The following ATF7 variants were observed in gnomAD, a reference collection of about 807,000 sequenced individuals.
ATF7 encodes cyclic AMP-dependent transcription factor ATF-7.
Under a neutral mutation model 50.4 loss-of-function variants are expected in ATF7, and 10 were observed. The observed-to-expected ratio is 0.20, with a 90% CI of 0.12 to 0.34. The LOEUF (loss-of-function observed/expected upper bound fraction) is 0.34. ATF7 is among the 10% of genes least tolerant of loss of function. The pLI, the probability that ATF7 is intolerant of heterozygous loss-of-function variation, is 1.00. For missense variants in ATF7, 465 were observed against 613.9 expected (o/e 0.76, Z 2.56); for synonymous variants, 201 against 226.4 (o/e 0.89, Z 1.01).
Position 53,515,617 on chromosome 12 carries a change from C to T in ATF7, c.*1520G>A, listed in dbSNP as rs1365292730. 6.6e-6 allele frequency: 1 copy of T among 152,166 alleles called. No homozygotes were observed. The highest frequency in any genetic ancestry group is 1.5e-5 in the Non-Finnish European group (1 of 68,028). 9.4% of individuals were successfully genotyped at this position (152,166 alleles called of 1,614,324 possible). ...GAAGAGGGACAAGAGAGATGAATTGCTCCCTCTGCAACCCAACTCTTCAAA... is the reference window on the plus strand; with the variant it reads ...GAAGAGGGACAAGAGAGATGAATTGTTCCCTCTGCAACCCAACTCTTCAAA... On this transcript the variant is annotated 3_prime_UTR_variant, in exon 12 of 12. Transcript: ENST00000420353.
intron 9 of ATF7, among the ~76,000 whole-genome samples, chr12:53,529,672 TATACAC>T (rs1565924056): frequency 1.4e-4 from 20 of 141,892 alleles, no homozygotes; most frequent in African/African-American, 4.9e-4. Flanking sequence ...CACATATATA[TATACAC>T]ACATATATAT....
chr12:53,595,195 A>G (rs1943105605), intron 2 of ATF7, among the ~76,000 whole-genome samples: 1 of 152,230 alleles, frequency 6.6e-6, no homozygotes, highest in South Asian at 2.1e-4. Context: ...GGGTGGGGAA[A>G]AAAGGCTTAT....
chr12:53,573,332 C>T (rs964743328), intron 2 of ATF7, among the ~76,000 whole-genome samples: 1 of 152,130 alleles, frequency 6.6e-6, no homozygotes, highest in Admixed American at 6.6e-5. Flanking sequence ...CCAAAATCCA[C>T]AGATACTCAA....
chr12:53,517,463 G>T (rs895994054), intron 11 of ATF7, 109 bp from the exon 12 acceptor site: 9 of 1,093,742 alleles, frequency 8.2e-6, no homozygotes, highest in African/African-American at 1.6e-5. Flanking sequence ...AAAGGGAAAT[G>T]AAACCCATCT....
chr12:53,604,361 T>G (rs1169777252), intron 1 of ATF7, among the ~76,000 whole-genome samples: 23 of 152,276 alleles, frequency 1.5e-4, no homozygotes, highest in Non-Finnish European at 1.5e-5. Flanking sequence ...AGAGAATGAT[T>G]TTTAATAACT....
At chr12:53,608,895 C>T (rs1050198185) in intron 1 of ATF7, among the ~76,000 whole-genome samples, 1 of 152,106 alleles carries the variant, frequency 6.6e-6, no homozygotes, top group African/African-American at 2.4e-5. Context: ...AGCAAAGTGA[C>T]TTAAGATTCC....
chr12:53,609,232 A>C (rs1314995592), intron 1 of ATF7, among the ~76,000 whole-genome samples: 1 of 149,072 alleles, frequency 6.7e-6, no homozygotes, highest in Admixed American at 6.8e-5. Context: ...TCAGCTCACC[A>C]CAACCTCTGC....
downstream of ATF7, among the ~76,000 whole-genome samples, chr12:53,510,061 C>T (rs111284845): frequency 0.016 from 2,300 of 147,820 alleles, 47 homozygotes; most frequent in African/African-American, 0.055. Context: ...TTTTTTGAGA[C>T]GGAGTTTTGC....
chr12:53,625,692 C>T (rs1263801701), intron 1 of ATF7, among the ~76,000 whole-genome samples: 1 of 152,190 alleles, frequency 6.6e-6, no homozygotes, highest in Admixed American at 6.5e-5. Flanking sequence ...CCAAACCCAA[C>T]GGGGTGTTGT....
chr12:53,552,762 G>A (rs953107806), intron 2 of ATF7, 125 bp from the exon 3 acceptor site: 3 of 720,406 alleles, frequency 4.2e-6, no homozygotes, highest in African/African-American at 1.8e-5. Context: ...ACTGGAGAGG[G>A]AGAAAAAACT....
chr12:53,532,191 G>A (rs950951069), intron 8 of ATF7, among the ~76,000 whole-genome samples: 7 of 152,114 alleles, frequency 4.6e-5, no homozygotes, highest in Admixed American at 3.9e-4. Flanking sequence ...TGCTGGTTAC[G>A]CAGCTATTCA....
At chr12:53,550,188 G>A (rs1940242895) in intron 3 of ATF7, among the ~76,000 whole-genome samples, 1 of 151,790 alleles carries the variant, frequency 6.6e-6, no homozygotes, top group Non-Finnish European at 1.5e-5. Flanking sequence ...CCGATCGGTA[G>A]TGGTGCGCGC....
At chr12:53,517,460 A>G (rs1937779758) in intron 11 of ATF7, 106 bp from the exon 12 acceptor site, 1 of 1,105,954 alleles carries the variant, frequency 9.0e-7, no homozygotes, top group South Asian at 1.6e-5. Flanking sequence ...CCAAAAGGGA[A>G]ATGAAACCCA....
chr12:53,595,066 G>A (rs375800322), intron 2 of ATF7, among the ~76,000 whole-genome samples: 5 of 152,130 alleles, frequency 3.3e-5, no homozygotes, highest in African/African-American at 1.2e-4. Context: ...GTATAATGCC[G>A]TGTATTTTCA....
downstream of ATF7, chr12:53,512,033 G>A (rs748762394): frequency 5.9e-5 from 9 of 152,240 alleles, no homozygotes; most frequent in Non-Finnish European, 1.2e-4. Flanking sequence ...GTGGATAGAG[G>A]AGTGAAGCAT....
Position 53,619,876 on chromosome 12 carries a change from T to C in ATF7, c.-22+6403A>G, listed in dbSNP as rs116254698. 3.3e-3 allele frequency among the ~76,000 whole-genome samples: 501 copies of C among 151,630 alleles called. 2 individuals are homozygous for C. Among genetic ancestry groups the C allele is most frequent in the African/African-American group, 0.012 (477 of 41,314 alleles). ...TGTCAAAAAATCTGGCCAGGCACAG[T>C]AGCTCATGCGTGTAATCTCAGCACT... On this transcript the variant is annotated intron_variant, in intron 1 of 11. Transcript: ENST00000420353.
chr12:53,553,211 TGTAGAG>T (rs1247728802), intron 2 of ATF7, among the ~76,000 whole-genome samples: 1 of 152,134 alleles, frequency 6.6e-6, no homozygotes, highest in Non-Finnish European at 1.5e-5. Flanking sequence ...AGGATGGAGC[TGTAGAG>T]GACCAAGGCG....
chr12:53,574,762 G>C (rs1271144277), intron 2 of ATF7: 1 of 192,844 alleles, frequency 5.2e-6, no homozygotes, highest in Non-Finnish European at 1.1e-5. Context: ...TAAGCTCAAG[G>C]GGAAGCTTAT....
intron 4 of ATF7, among the ~76,000 whole-genome samples, chr12:53,539,541 T>C (rs1034946430): frequency 1.3e-5 from 2 of 151,740 alleles, no homozygotes; most frequent in Non-Finnish European, 2.9e-5. Flanking sequence ...GAAAATAAAT[T>C]AGTCAGGCAT....
Sources: allele counts gnomAD v4.1 joint callset (sites outside exome capture counted in the v4.1 genomes callset), GRCh38; gene constraint gnomAD v4.1.1; transcripts MANE v1.5; gene names NCBI Gene and HGNC (gene_info 2026-07-23, HGNC 2026-07-21).